TFDP1: variants seen among roughly 807,000 people sequenced by gnomAD.
The protein encoded by TFDP1 is DRTF1-polypeptide 1.
TFDP1 carries 6 observed loss-of-function variants against 48.0 expected under a neutral mutation model. The ratio of observed to expected loss-of-function variants is 0.13; its 90% CI spans 0.07 to 0.25. TFDP1 has a LOEUF of 0.25. Ranked by LOEUF, TFDP1 falls within the 10% of genes least tolerant of loss-of-function variation. The pLI, the probability that TFDP1 is intolerant of heterozygous loss-of-function variation, is 1.00. For missense variants in TFDP1, 335 were observed against 543.0 expected, an observed-to-expected ratio of 0.62 and a Z score of 3.81; for synonymous variants, 201 against 211.6, an observed-to-expected ratio of 0.95 and a Z score of 0.44.
chr13:113,614,348 T>C (rs576063956), intron 3 of TFDP1, among the ~76,000 whole-genome samples: 2 of 152,190 alleles, frequency 1.3e-5, no homozygotes, highest in Admixed American at 6.5e-5. Context: ...TTGCCTCTAG[T>C]TGGGAGTGGG....
chr13:113,635,982 T>C lies in TFDP1; in HGVS notation c.693T>C (p.Ile231=). The change falls in exon 9 of 12, where the codon ATT becomes ATC. Residue 231 remains isoleucine (I), a synonymous_variant. Coordinates refer to ENST00000375370, the MANE Select transcript of TFDP1 (RefSeq NM_007111.5). ...GCTCCTCTTATTTTTTTTAGCAAATTGCCTTCAAGAACCTGGTGCAGAGAA... is the reference window on the plus strand; with the variant it reads ...GCTCCTCTTATTTTTTTTAGCAAATCGCCTTCAAGAACCTGGTGCAGAGAA... The part of the protein sequence containing the change: ...SQLQELILQQ[I]AFKNLVQRNR... The C allele has an allele frequency of 1.9e-6, 3 of 1,612,788 alleles. No homozygotes were observed. Among genetic ancestry groups the C allele is most frequent in the Non-Finnish European group, 2.5e-6 (3 of 1,179,430 alleles).
intron 10 of TFDP1, chr13:113,637,547 C>G (rs1052496268): frequency 1.4e-6 from 2 of 1,401,606 alleles, no homozygotes; most frequent in Non-Finnish European, 1.9e-6. Context: ...GATACTGAGG[C>G]AGCAGCACAC....
intron 2 of TFDP1, among the ~76,000 whole-genome samples, chr13:113,586,542 G>A (rs2048008603): frequency 1.3e-5 from 2 of 152,206 alleles, no homozygotes; most frequent in Admixed American, 1.3e-4. Context: ...GGATTCTTTA[G>A]TGTTTCCCAC....
intron 3 of TFDP1, among the ~76,000 whole-genome samples, chr13:113,617,897 G>A (rs571081043): frequency 9.2e-5 from 14 of 152,324 alleles, no homozygotes; most frequent in African/African-American, 3.4e-4. Context: ...ATAAAAACGT[G>A]AATACTATAT....
At chr13:113,615,573 A>G (rs1266510255) in intron 3 of TFDP1, among the ~76,000 whole-genome samples, 1 of 152,038 alleles carries the variant, frequency 6.6e-6, no homozygotes, top group Admixed American at 6.6e-5. Flanking sequence ...CTGTACCTAG[A>G]GGTGATCCAG....
At chr13:113,625,709 CT>C (rs1197966027) in intron 4 of TFDP1, among the ~76,000 whole-genome samples, 3 of 117,522 alleles carry the variant, frequency 2.6e-5, no homozygotes, top group African/African-American at 1.1e-4. Context: ...TCTCAGGCGT[CT>C]CTCACATGTC....
At chr13:113,616,054 T>C (rs1051278708) in intron 3 of TFDP1, among the ~76,000 whole-genome samples, 28 of 151,716 alleles carry the variant, frequency 1.8e-4, no homozygotes, top group African/African-American at 6.3e-4. Context: ...AATATAAAAA[T>C]TAGTGGGGCG....
rs1033985603 is a variant in TFDP1, at chr13:113,623,811, C to A, written c.186+525C>A. On this transcript the variant is annotated intron_variant, in intron 4 of 11. Coordinates refer to ENST00000375370, the MANE Select transcript of TFDP1 (RefSeq NM_007111.5). The surrounding 1 kb of genome is among the most constrained non-coding windows in gnomAD (Gnocchi z 5.2). ...GGTGGGCATTGGGAAGTGGCGCATC[C>A]CCCCTCCCCAGGCTGATGCTGGCCA... is the stretch of plus-strand genomic sequence containing the variant. Among the ~76,000 whole-genome samples, 16 of 152,250 alleles carry A rather than the reference C, an allele frequency of 1.1e-4. No individual in the cohort carries two copies. Among genetic ancestry groups the A allele is most frequent in the Middle Eastern group, 6.8e-3 (2 of 294 alleles).
chr13:113,612,125 T>A (rs1201410105), intron 3 of TFDP1, among the ~76,000 whole-genome samples: 1 of 152,228 alleles, frequency 6.6e-6, no homozygotes, highest in East Asian at 1.9e-4. Context: ...GGCCCCCACC[T>A]CTCTGCTGAG....
intron 2 of TFDP1, among the ~76,000 whole-genome samples, chr13:113,594,494 A>G (rs1806586): frequency 0.15 from 9,215 of 60,426 alleles, 620 homozygotes; most frequent in African/African-American, 0.28. Flanking sequence ...GGTGACAGGT[A>G]TGGTGTGCGC....
intron 2 of TFDP1, among the ~76,000 whole-genome samples, chr13:113,586,842 A>G (rs1313358565): frequency 1.3e-5 from 2 of 152,230 alleles, no homozygotes; most frequent in Admixed American, 6.5e-5. Flanking sequence ...AGGTGGACCC[A>G]GTGTGAGTTT....
intron 11 of TFDP1, among the ~76,000 whole-genome samples, chr13:113,638,164 AC>A (rs1434824537): frequency 1.3e-5 from 2 of 151,828 alleles, no homozygotes; most frequent in African/African-American, 4.8e-5. Flanking sequence ...AATGAAAACC[AC>A]CCAAATCCTC....
intron 4 of TFDP1, among the ~76,000 whole-genome samples, chr13:113,628,774 C>A (rs2049257719): frequency 6.6e-6 from 1 of 152,252 alleles, no homozygotes; most frequent in African/African-American, 2.4e-5. Context: ...CCCTTTGGCA[C>A]CTCCTTGGTT....
intron 2 of TFDP1, among the ~76,000 whole-genome samples, chr13:113,596,548 C>T (rs892545360): frequency 6.6e-5 from 10 of 152,306 alleles, no homozygotes; most frequent in Non-Finnish European, 1.5e-4. Context: ...GGAGGAGTCA[C>T]ACATTTGACA....
chr13:113,628,095 ACTGT>A (rs780862512), intron 4 of TFDP1, among the ~76,000 whole-genome samples: 76 of 152,180 alleles, frequency 5.0e-4, no homozygotes, highest in Non-Finnish European at 9.7e-4. Context: ...CCGTGTAAAG[ACTGT>A]CTGGAGCCGT....
intron 3 of TFDP1, among the ~76,000 whole-genome samples, chr13:113,614,020 G>A (rs1459227019): frequency 1.5e-5 from 2 of 136,536 alleles, no homozygotes; most frequent in African/African-American, 3.1e-5. Context: ...TGTGTCAGTT[G>A]TGTGCGTGCG....
intron 4 of TFDP1, among the ~76,000 whole-genome samples, chr13:113,628,258 T>TG (rs2049240506): frequency 6.6e-6 from 1 of 152,048 alleles, no homozygotes; most frequent in African/African-American, 2.4e-5. Flanking sequence ...AGACTGTGTC[T>TG]GAAGCCGTGT....
In TFDP1 at chr13:113,584,865, C is replaced by T. The variant is rs1006468149; in HGVS notation, c.-88C>T. On this transcript the variant is annotated 5_prime_UTR_variant, in exon 1 of 12. Coordinates refer to ENST00000375370, the MANE Select transcript of TFDP1 (RefSeq NM_007111.5). ...ACCGCGCCCTCTCCGCGTCCCCGCC[C>T]GCGCGGCCGGACCGGGCAGCCAGGT... The T allele has an allele frequency of 2.9e-4, 43 of 146,486 alleles. No homozygotes were observed. Among genetic ancestry groups the T allele is most frequent in the African/African-American group, 1.0e-3 (41 of 40,974 alleles). 9.1% of individuals were successfully genotyped at this position (146,486 alleles called of 1,614,324 possible).
chr13:113,592,414 C>T (rs1391143550), intron 2 of TFDP1, among the ~76,000 whole-genome samples: 2 of 152,254 alleles, frequency 1.3e-5, no homozygotes, highest in African/African-American at 4.8e-5. Context: ...GCCTTGGCCT[C>T]CCAGAGTGCT....
Sources: allele counts gnomAD v4.1 joint callset (sites outside exome capture counted in the v4.1 genomes callset), GRCh38; gene constraint gnomAD v4.1.1; non-coding constraint Gnocchi (gnomAD v3.1); transcripts MANE v1.5; gene names NCBI Gene and HGNC (gene_info 2026-07-23, HGNC 2026-07-21).